Variants in SLC27A2 observed in about 807,000 individuals in gnomAD.
The protein encoded by SLC27A2 is long-chain fatty acid transport protein 2.
SLC27A2 carries 54 observed loss-of-function variants against 60.0 expected under a neutral mutation model. That is an observed-to-expected ratio of 0.90 (90% CI 0.72 to 1.13). The LOEUF (loss-of-function observed/expected upper bound fraction) is 1.13, where lower values mean the gene tolerates loss of function less well. Ranked by LOEUF, SLC27A2 falls within the 50% of genes most tolerant of loss-of-function variation. The probability of loss-of-function intolerance (pLI) is 0.00; values close to 1 mark genes in which losing one functional copy is unlikely to be tolerated. For missense variants in SLC27A2, 739 were observed against 777.6 expected, an observed-to-expected ratio of 0.95 and a Z score of 0.59; for synonymous variants, 297 against 297.6, an observed-to-expected ratio of 1.00 and a Z score of 0.02.
chr15:50,221,397 G>C (rs977872461), intron 4 of SLC27A2, among the ~76,000 whole-genome samples: 1 of 152,110 alleles, frequency 6.6e-6, no homozygotes, highest in Non-Finnish European at 1.5e-5. Flanking sequence ...CCAGTGACCA[G>C]CATCAGTCCA....
intron 4 of SLC27A2, among the ~76,000 whole-genome samples, chr15:50,205,812 G>A (rs957755666): frequency 2.0e-5 from 3 of 152,156 alleles, no homozygotes; most frequent in Non-Finnish European, 2.9e-5. Flanking sequence ...TTCCTTGGCT[G>A]TAATATCTTT....
rs182513992 is a variant in SLC27A2 at position 50,211,914 on chromosome 15, A to G, written c.972+6551A>G. On this transcript the variant is annotated intron_variant, in intron 4 of 9. Transcript: ENST00000267842. Reference sequence around the variant, plus strand: ...GTGAAACCCCTTCTCTACTAAAAATACAAAAAAATTAGCTGGAGTGGTGGC... The same window carrying G: ...GTGAAACCCCTTCTCTACTAAAAATGCAAAAAAATTAGCTGGAGTGGTGGC... 5.0e-3 allele frequency among the ~76,000 whole-genome samples: 698 copies of G among 139,098 alleles called. 3 individuals carry two copies. The highest frequency in any genetic ancestry group is 0.019 in the African/African-American group (666 of 35,408). 91.3% of individuals were successfully genotyped at this position (139,098 alleles called of 152,430 possible).
At chr15:50,223,188 G>T (rs761649958) in intron 5 of SLC27A2, 29 bp downstream of exon 5, 2 of 1,539,438 alleles carry the variant, frequency 1.3e-6, no homozygotes, top group Non-Finnish European at 8.9e-7. Context: ...GAGAGCATAC[G>T]TAGCCAGTTT....
chr15:50,199,826 AC>A (rs2045050985), intron 2 of SLC27A2, among the ~76,000 whole-genome samples: 1 of 152,002 alleles, frequency 6.6e-6, no homozygotes, highest in Non-Finnish European at 1.5e-5. Flanking sequence ...TACTTGGGAG[AC>A]TGAGGTGGGA....
intron 4 of SLC27A2, among the ~76,000 whole-genome samples, chr15:50,214,028 TG>T (rs2045177632): frequency 6.6e-6 from 1 of 151,126 alleles, no homozygotes; most frequent in African/African-American, 2.4e-5. Flanking sequence ...AACAAAAAGC[TG>T]GTTCTTTGAA....
At chr15:50,213,895 C>G (rs1467324488) in intron 4 of SLC27A2, among the ~76,000 whole-genome samples, 2 of 151,718 alleles carry the variant, frequency 1.3e-5, no homozygotes, top group Admixed American at 6.6e-5. Context: ...GGTCACACCT[C>G]AAGAAACTAG....
intron 5 of SLC27A2, among the ~76,000 whole-genome samples, chr15:50,224,797 C>T (rs781075205): frequency 1.3e-5 from 2 of 152,162 alleles, no homozygotes; most frequent in African/African-American, 4.8e-5. Context: ...TAGTAACTAC[C>T]GTATTGAGCA....
At chr15:50,196,617 G>A (rs759486104) in intron 1 of SLC27A2, among the ~76,000 whole-genome samples, 2 of 152,142 alleles carry the variant, frequency 1.3e-5, no homozygotes, top group Non-Finnish European at 2.9e-5. Flanking sequence ...ACTATGCTAA[G>A]ATGTGCTTCA....
intron 4 of SLC27A2, among the ~76,000 whole-genome samples, chr15:50,206,659 G>C (rs552711173): frequency 6.6e-6 from 1 of 152,194 alleles, no homozygotes; most frequent in African/African-American, 2.4e-5. Flanking sequence ...AGGTTTATGT[G>C]ATTATTGTCT....
chr15:50,216,610 G>GTGTA (rs1323910367), intron 4 of SLC27A2, among the ~76,000 whole-genome samples: 24 of 66,474 alleles, frequency 3.6e-4, no homozygotes, highest in South Asian at 1.1e-3. Context: ...GTGTGTGTGT[G>GTGTA]TATATATATA....
intron 4 of SLC27A2, among the ~76,000 whole-genome samples, chr15:50,213,880 T>G (rs1374346856): frequency 1.3e-5 from 2 of 151,132 alleles, no homozygotes; most frequent in Non-Finnish European, 2.9e-5. Context: ...AAACAGACAA[T>G]CTAAGGTCAC....
chr15:50,226,131 T>G (rs2045276946), intron 6 of SLC27A2, 53 bp downstream of exon 6: 1 of 1,187,808 alleles, frequency 8.4e-7, no homozygotes, highest in South Asian at 1.2e-5. Context: ...CTTGATCAAG[T>G]GACTTTTAAG....
intron 4 of SLC27A2, among the ~76,000 whole-genome samples, 174 bp downstream of exon 4, chr15:50,205,537 T>A (rs893389802): frequency 2.0e-5 from 3 of 152,154 alleles, no homozygotes; most frequent in Non-Finnish European, 4.4e-5. Context: ...ACTTAGTAGG[T>A]GGGAGTTAAT....
intron 4 of SLC27A2, among the ~76,000 whole-genome samples, chr15:50,207,552 G>A (rs2140904720): frequency 6.6e-6 from 1 of 152,088 alleles, no homozygotes; most frequent in South Asian, 2.1e-4. Context: ...CACTTTGGGA[G>A]GTAGAGGCGG....
At chr15:50,225,489 A>C (rs2045272268) in intron 5 of SLC27A2, among the ~76,000 whole-genome samples, 1 of 152,222 alleles carries the variant, frequency 6.6e-6, no homozygotes. Flanking sequence ...AGGTTATACA[A>C]GATTTTAAAA....
intron 2 of SLC27A2, among the ~76,000 whole-genome samples, chr15:50,200,414 T>G (rs1194754672): frequency 5.1e-5 from 2 of 39,076 alleles, no homozygotes; most frequent in African/African-American, 1.4e-4. Flanking sequence ...AAAGCCTATC[T>G]CAAAAATAAT....
intron 3 of SLC27A2, 38 bp downstream of exon 3, chr15:50,202,683 A>G (rs1234013285): frequency 1.3e-6 from 2 of 1,599,032 alleles, no homozygotes; most frequent in East Asian, 2.2e-5. Context: ...GCGAGTGCAC[A>G]TTTACATTTT....
At chr15:50,206,652 T>C (rs1040675956) in intron 4 of SLC27A2, among the ~76,000 whole-genome samples, 13 of 152,106 alleles carry the variant, frequency 8.5e-5, no homozygotes, top group Admixed American at 2.6e-4. Flanking sequence ...ATAGTAAAGG[T>C]TTATGTGATT....
At chr15:50,186,637 C>G (rs1283610906) in intron 1 of SLC27A2, among the ~76,000 whole-genome samples, 1 of 152,142 alleles carries the variant, frequency 6.6e-6, no homozygotes, top group Non-Finnish European at 1.5e-5. Flanking sequence ...TGGGGTTTCA[C>G]CATGTTGGCC....
Sources: allele counts gnomAD v4.1 joint callset (sites outside exome capture counted in the v4.1 genomes callset), GRCh38; gene constraint gnomAD v4.1.1; transcripts MANE v1.5; gene names NCBI Gene and HGNC (gene_info 2026-07-23, HGNC 2026-07-21).